THEMIS: variants seen among roughly 807,000 people sequenced by gnomAD.
THEMIS encodes thymocyte selection associated.
A neutral mutation model predicts 52.6 loss-of-function variants in THEMIS; 37 were observed. That is an observed-to-expected ratio of 0.70 (90% CI 0.54 to 0.93). The LOEUF is 0.93. Ranked by LOEUF, THEMIS falls within the 40% of genes least tolerant of loss-of-function variation. The pLI is 0.00. For synonymous variants in THEMIS, 292 were observed against 272.7 expected (o/e 1.07, Z -0.70); for missense variants, 808 against 763.1 (o/e 1.06, Z -0.69).
chr6:127,743,344 G>A (rs1164443437), intron 4 of THEMIS, among the ~76,000 whole-genome samples: 4 of 152,044 alleles, frequency 2.6e-5, no homozygotes, highest in Non-Finnish European at 4.4e-5. Flanking sequence ...TTTCTCCCAC[G>A]CAAAGCCAAG....
intron 3 of THEMIS, among the ~76,000 whole-genome samples, chr6:127,826,888 C>T (rs529995163): frequency 6.6e-6 from 1 of 152,046 alleles, no homozygotes; most frequent in East Asian, 1.9e-4. Context: ...AGACCTATGA[C>T]AGAGATTTTG....
chr6:127,882,541 A>G (rs1429486993), intron 1 of THEMIS, among the ~76,000 whole-genome samples: 1 of 151,950 alleles, frequency 6.6e-6, no homozygotes, highest in Non-Finnish European at 1.5e-5. Flanking sequence ...AAAAAATTCT[A>G]CTTTAGAAAC....
chr6:127,841,403 C>G (rs1321804288), intron 2 of THEMIS, among the ~76,000 whole-genome samples: 3 of 151,992 alleles, frequency 2.0e-5, no homozygotes, highest in Non-Finnish European at 4.4e-5. Context: ...AAGGTAGCAT[C>G]ATAAAAAGCT....
intron 4 of THEMIS, among the ~76,000 whole-genome samples, chr6:127,750,530 CAA>C (rs1286738792): frequency 6.6e-6 from 1 of 151,680 alleles, no homozygotes; most frequent in Non-Finnish European, 1.5e-5. Flanking sequence ...ATTATTAATA[CAA>C]GAGCTATTTT....
At chr6:127,855,226 G>T in intron 1 of THEMIS, 38 bp from the exon 2 acceptor site, 1 of 1,511,248 alleles carries the variant, frequency 6.6e-7, no homozygotes, top group Non-Finnish European at 8.9e-7. Flanking sequence ...TTTTTAAAAA[G>T]AAAACAGTGA....
At chr6:127,712,830 G>A (rs1009477055) in intron 5 of THEMIS, among the ~76,000 whole-genome samples, 1 of 151,700 alleles carries the variant, frequency 6.6e-6, no homozygotes, top group African/African-American at 2.4e-5. Context: ...AAATTACATG[G>A]GTAATTATTA....
At chr6:127,703,615 C>T (rs1490388056), downstream of THEMIS, among the ~76,000 whole-genome samples, 1 of 152,148 alleles carries the variant, frequency 6.6e-6, no homozygotes, top group Non-Finnish European at 1.5e-5. Flanking sequence ...GCTTAAGTAC[C>T]TTGCTAGTCA....
chr6:127,706,717 A>G (rs1020475038), downstream of THEMIS, among the ~76,000 whole-genome samples: 3 of 152,024 alleles, frequency 2.0e-5, no homozygotes, highest in Non-Finnish European at 4.4e-5. Flanking sequence ...TTGAGGTTAC[A>G]GTTTGAGATA....
intron 1 of THEMIS, among the ~76,000 whole-genome samples, chr6:127,884,523 C>G (rs1009311305): frequency 6.6e-6 from 1 of 152,108 alleles, no homozygotes; most frequent in Non-Finnish European, 1.5e-5. Context: ...TCAACTCCCC[C>G]TCTTGCTCAC....
intron 4 of THEMIS, among the ~76,000 whole-genome samples, chr6:127,730,444 C>T (rs573699213): frequency 0.01 from 765 of 73,092 alleles, 5 homozygotes; most frequent in African/African-American, 0.042. Context: ...AGGAAGAGAA[C>T]AAACGAAAGA....
At chr6:127,779,276 A>G (rs1227240745) in intron 4 of THEMIS, among the ~76,000 whole-genome samples, 9 of 152,152 alleles carry the variant, frequency 5.9e-5, no homozygotes, top group Non-Finnish European at 1.3e-4. Context: ...ATGATAAAAT[A>G]TATCCTTAAA....
chr6:127,787,471 T>C (rs192209218), intron 4 of THEMIS, among the ~76,000 whole-genome samples: 79 of 152,300 alleles, frequency 5.2e-4, no homozygotes, highest in Non-Finnish European at 9.0e-4. Flanking sequence ...TGGCATCACC[T>C]TATCTTGATA....
At chr6:127,896,214 T>C (rs138534045) in intron 1 of THEMIS, among the ~76,000 whole-genome samples, 2,512 of 151,448 alleles carry the variant, frequency 0.017, 37 homozygotes, top group Admixed American at 0.028. Context: ...TGGTCATGAA[T>C]GAAATACAGA....
chr6:127,761,606 A>G (rs956901693), intron 4 of THEMIS, among the ~76,000 whole-genome samples: 1 of 152,168 alleles, frequency 6.6e-6, no homozygotes, highest in Non-Finnish European at 1.5e-5. Context: ...AACCCCTGCT[A>G]TACAGGACCT....
At chr6:127,906,034 T>C (rs985246097), upstream of THEMIS, among the ~76,000 whole-genome samples, 3 of 145,888 alleles carry the variant, frequency 2.1e-5, no homozygotes, top group African/African-American at 2.7e-5. Context: ...TTAAATGAAA[T>C]AATTTTTACA....
chr6:127,792,123 T>C (rs1306790639), intron 4 of THEMIS, among the ~76,000 whole-genome samples: 2 of 152,202 alleles, frequency 1.3e-5, no homozygotes, highest in African/African-American at 2.4e-5. Context: ...CACTCAGCCC[T>C]GGCTGTGCCT....
At chr6:127,892,316 C>T (rs952189880) in intron 1 of THEMIS, among the ~76,000 whole-genome samples, 1 of 152,174 alleles carries the variant, frequency 6.6e-6, no homozygotes, top group African/African-American at 2.4e-5. Flanking sequence ...AGGCTTATTT[C>T]CTCAGTTTAT....
chr6:127,757,879 C>A (rs1013238489), intron 4 of THEMIS, among the ~76,000 whole-genome samples: 1 of 151,626 alleles, frequency 6.6e-6, no homozygotes, highest in African/African-American at 2.4e-5. Context: ...TGGTAGAGAG[C>A]GATCAGGTAA....
chr6:127,706,363 T>C (rs1450449183), downstream of THEMIS, among the ~76,000 whole-genome samples: 2 of 152,174 alleles, frequency 1.3e-5, no homozygotes, highest in East Asian at 3.9e-4. Flanking sequence ...TACATATATG[T>C]AGGAATTTGA....
Sources: gnomAD v4.1 joint callset for allele counts (sites outside exome capture counted in the v4.1 genomes callset) on GRCh38, gnomAD v4.1.1 for gene constraint, MANE v1.5 for transcripts, NCBI Gene and HGNC (gene_info 2026-07-23, HGNC 2026-07-21) for gene names.